CSMD2: variants seen among roughly 807,000 people sequenced by gnomAD.
The protein encoded by CSMD2 is CUB and Sushi multiple domains 2.
A neutral mutation model predicts 398.5 loss-of-function variants in CSMD2; 130 were observed. That is an observed-to-expected ratio of 0.33 (90% CI 0.28 to 0.38). CSMD2 has a LOEUF of 0.38. Among genes scored for constraint, CSMD2 ranks in the 10% least tolerant of loss-of-function variants. The pLI, the probability that CSMD2 is intolerant of heterozygous loss-of-function variation, is 1.00. For synonymous variants in CSMD2, 1,828 were observed against 1,908.5 expected, an observed-to-expected ratio of 0.96 and a Z score of 1.10; for missense variants, 3,829 against 4,764.9, an observed-to-expected ratio of 0.80 and a Z score of 5.78.
intron 53 of CSMD2, among the ~76,000 whole-genome samples, chr1:33,563,928 CACTT>C (rs1008866545): frequency 2.0e-5 from 3 of 152,128 alleles, no homozygotes; most frequent in African/African-American, 7.2e-5. Context: ...ACAGAGTAAA[CACTT>C]ACAAATATTT....
intron 22 of CSMD2, among the ~76,000 whole-genome samples, chr1:33,703,090 G>A (rs1370345638): frequency 6.6e-6 from 1 of 152,042 alleles, no homozygotes; most frequent in Non-Finnish European, 1.5e-5. Context: ...TTTAGCTACT[G>A]TAGCTTTACA....
At chr1:33,655,161 A>T (rs116570397) in intron 27 of CSMD2, among the ~76,000 whole-genome samples, 1 of 152,208 alleles carries the variant, frequency 6.6e-6, no homozygotes, top group African/African-American at 2.4e-5. Context: ...CCTTCTAGAC[A>T]GCCAAGAAGT....
chr1:33,915,404 T>C (rs567634986), intron 5 of CSMD2, among the ~76,000 whole-genome samples: 1 of 152,364 alleles, frequency 6.6e-6, no homozygotes, highest in East Asian at 1.9e-4. Context: ...TATGCAAGTA[T>C]AAATTAGAAC....
At chr1:33,880,483 A>G (rs1488960253) in intron 5 of CSMD2, among the ~76,000 whole-genome samples, 5 of 152,182 alleles carry the variant, frequency 3.3e-5, no homozygotes, top group Non-Finnish European at 7.3e-5. Flanking sequence ...AGGATTTTTG[A>G]GCTAATGTGT....
At chr1:34,094,534 C>T (rs989004957) in intron 1 of CSMD2, among the ~76,000 whole-genome samples, 1 of 152,002 alleles carries the variant, frequency 6.6e-6, no homozygotes, top group African/African-American at 2.4e-5. Flanking sequence ...CAGAGACACA[C>T]ATAGGCTCAA....
chr1:33,600,115 T>G (rs1284749055), intron 44 of CSMD2: 1 of 708,494 alleles, frequency 1.4e-6, no homozygotes, highest in Non-Finnish European at 2.6e-6. Flanking sequence ...CCGGTAATTC[T>G]ACAGGTGAAG....
chr1:33,703,170 T>G (rs1645666815), intron 22 of CSMD2, among the ~76,000 whole-genome samples: 1 of 152,182 alleles, frequency 6.6e-6, no homozygotes, highest in East Asian at 1.9e-4. Context: ...TTCTCCCAGA[T>G]GTACTCTTCT....
intron 3 of CSMD2, among the ~76,000 whole-genome samples, chr1:34,006,661 A>AT (rs903469316): frequency 5.4e-4 from 82 of 151,842 alleles, no homozygotes; most frequent in African/African-American, 1.9e-3. Context: ...GTTTATCTTC[A>AT]TTTTTTTTCC....
chr1:33,590,294 ATTTTTTTTTTTTTTT>A (rs56252015), intron 44 of CSMD2, among the ~76,000 whole-genome samples: 3 of 73,862 alleles, frequency 4.1e-5, no homozygotes, highest in African/African-American at 1.7e-4. Context: ...GCTAATTAAA[ATTTTTTTTTTTTTTT>A]TTTTTTTTTG....
chr1:33,808,628 G>A (rs1656502888), intron 10 of CSMD2, among the ~76,000 whole-genome samples: 1 of 151,960 alleles, frequency 6.6e-6, no homozygotes, highest in Admixed American at 6.6e-5. Flanking sequence ...AGCCTTTGAT[G>A]CTTAAATCAG....
chr1:33,980,185 G>T (rs774411508), intron 3 of CSMD2, among the ~76,000 whole-genome samples: 1 of 152,134 alleles, frequency 6.6e-6, no homozygotes, highest in African/African-American at 2.4e-5. Flanking sequence ...CTCCTGAGAA[G>T]TTTCACAGAC....
Position 33,542,800 on chromosome 1 carries a change from T to C in CSMD2, c.9197A>G (p.Glu3066Gly). 6.2e-7 allele frequency: 1 copy of C among 1,614,148 alleles called. No individual in the cohort carries two copies. ...GAGCAGGCCTGTGGCGTAGTATCCTTCCCGGCACTCATAGACGATAGAGCT... is the reference window on the plus strand; with the variant it reads ...GAGCAGGCCTGTGGCGTAGTATCCTCCCCGGCACTCATAGACGATAGAGCT... Reference protein sequence around the residue: ...FSSSIVYECREGYYATGLLSR... With the variant: ...FSSSIVYECRGGYYATGLLSR... Residue 3066 changes from glutamate (E) to glycine (G), a missense_variant, in exon 58 of 71, where the codon GAA becomes GGA. Physicochemically the swap from Glu to Gly is moderately conservative, Grantham distance 98 (BLOSUM62 -2). This residue lies in a region of CSMD2 where 917 missense variants were observed against 1,199.5 expected (regional missense o/e 0.76). Coordinates refer to ENST00000373381, the MANE Select transcript of CSMD2 (RefSeq NM_001281956.2).
At chr1:33,979,907 T>C (rs976760310) in intron 3 of CSMD2, among the ~76,000 whole-genome samples, 2 of 152,176 alleles carry the variant, frequency 1.3e-5, no homozygotes, top group East Asian at 3.8e-4. Context: ...ATCTAGCCAG[T>C]GCTTTATAAA....
In CSMD2 at chr1:33,658,087, G is replaced by A. The variant is rs867072124; in HGVS notation, c.4306C>T (p.Arg1436Trp). 1 of 1,614,048 alleles carries A rather than the reference G, an allele frequency of 6.2e-7. No homozygotes were observed. Among genetic ancestry groups the A allele is most frequent in the African/African-American group, 1.3e-5 (1 of 74,902 alleles). Residue 1436 changes from arginine (R) to tryptophan (W), a missense_variant, in exon 27 of 71, where the codon CGG (arginine) becomes TGG (tryptophan). This residue lies in a region of CSMD2 where 2,001 missense variants were observed against 2,567.1 expected (regional missense o/e 0.78). Coordinates refer to ENST00000373381, the MANE Select transcript of CSMD2 (RefSeq NM_001281956.2). ...NDPGIPQNGS[R>W]SGDSWEAGDS... ...CCGGCTTCCCAACTGTCACCACTCC[G>A]ACTCCCATTCTGCGGGATCCCAGGG...
intron 40 of CSMD2, among the ~76,000 whole-genome samples, chr1:33,612,329 G>C (rs1439814648): frequency 6.6e-6 from 1 of 152,162 alleles, no homozygotes; most frequent in South Asian, 2.1e-4. Context: ...ATAAAGACTC[G>C]ACACTTAATG....
At chr1:34,134,985 T>C (rs1638569852) in intron 1 of CSMD2, among the ~76,000 whole-genome samples, 1 of 152,142 alleles carries the variant, frequency 6.6e-6, no homozygotes, top group South Asian at 2.1e-4. Context: ...ATTCAAATAC[T>C]CAGATCTCAT....
intron 3 of CSMD2, among the ~76,000 whole-genome samples, chr1:33,950,320 G>A (rs1456734626): frequency 3.3e-5 from 5 of 151,144 alleles, no homozygotes; most frequent in East Asian, 3.9e-4. Context: ...CCAACTGTAC[G>A]TACCCGTCTC....
chr1:33,804,847 C>A (rs1464808069), intron 10 of CSMD2: 1 of 717,470 alleles, frequency 1.4e-6, no homozygotes, highest in Non-Finnish European at 2.6e-6. Context: ...CTTTGAGTTT[C>A]CACACTTAGA....
At chr1:33,863,895 C>A in intron 5 of CSMD2, 1 of 313,346 alleles carries the variant, frequency 3.2e-6, no homozygotes, top group Non-Finnish European at 5.8e-6. Flanking sequence ...TATGAATGAA[C>A]CATCATCTTT....
Sources: gnomAD v4.1 joint callset for allele counts (sites outside exome capture counted in the v4.1 genomes callset) on GRCh38, gnomAD v4.1.1 for gene constraint, gnomAD v4.1.1 regional missense constraint, MANE v1.5 for transcripts, NCBI Gene and HGNC (gene_info 2026-07-23, HGNC 2026-07-21) for gene names.